Variants in LSM7 observed in about 807,000 individuals in gnomAD.
The protein encoded by LSM7 is LSM7 homolog, U6 small nuclear RNA and mRNA degradation associated, also known as U6 snRNA-associated Sm-like protein LSm7.
Under a neutral mutation model 14.1 loss-of-function variants are expected in LSM7, and 13 were observed. The observed-to-expected ratio is 0.92, with a 90% confidence interval of 0.60 to 1.47. LSM7 has a LOEUF of 1.47. Ranked by LOEUF, LSM7 falls within the 40% of genes most tolerant of loss-of-function variation. The pLI is 0.00. For synonymous variants in LSM7, 70 were observed against 57.1 expected, an observed-to-expected ratio of 1.23 and a Z score of -1.02; for missense variants, 108 against 140.8, an observed-to-expected ratio of 0.77 and a Z score of 1.18.
At chr19:2,325,603 C>T (rs1968002320) in intron 2 of LSM7, among the ~76,000 whole-genome samples, 1 of 152,172 alleles carries the variant, frequency 6.6e-6, no homozygotes, top group Non-Finnish European at 1.5e-5. Context: ...AAGGCAGGGC[C>T]GAGAGCCCGT....
At chr19:2,322,061 A>G (rs1967943292) in intron 3 of LSM7, among the ~76,000 whole-genome samples, 1 of 152,088 alleles carries the variant, frequency 6.6e-6, no homozygotes, top group African/African-American at 2.4e-5. Flanking sequence ...CCCTCACTCC[A>G]CAAACCATGG....
chr19:2,328,479 T>G lies in LSM7; in HGVS notation c.7-2A>C. The stretch of plus-strand genomic sequence containing the variant: ...CTCCTTTTTCTTCTTCTCCTTATCC[T>G]GCGGGGAAAGCAGAGCGCATGAGAC... On this transcript the variant is annotated splice_acceptor_variant, in intron 1 of 3. Coordinates refer to ENST00000252622, the MANE Select transcript of LSM7 (RefSeq NM_016199.3). LOFTEE classifies it high-confidence loss of function. 6.2e-7 allele frequency: 1 copy of G among 1,613,666 alleles called. No homozygotes were observed. Among genetic ancestry groups the G allele is most frequent in the South Asian group, 1.1e-5 (1 of 91,058 alleles).
intron 2 of LSM7, chr19:2,324,699 G>A (rs573957425): frequency 7.6e-4 from 128 of 168,634 alleles, no homozygotes; most frequent in Middle Eastern, 3.0e-3. Flanking sequence ...GAAGAGGAGC[G>A]AGGCTGGCGC....
chr19:2,324,516 C>G, intron 2 of LSM7: 1 of 398,958 alleles, frequency 2.5e-6, no homozygotes, highest in African/African-American at 2.0e-5. Flanking sequence ...GAACTGCGGC[C>G]GGTCAGCTCT....
In LSM7 at chr19:2,324,115, C is replaced by CA. The variant is rs1599178869; in HGVS notation, c.169+9_169+10insT. 11 of 1,506,192 alleles carry CA rather than the reference C, an allele frequency of 7.3e-6. No homozygotes were observed. The highest frequency in any genetic ancestry group is 9.7e-6 in the Non-Finnish European group (11 of 1,130,370). 93.3% of individuals were successfully genotyped at this position (1,506,192 alleles called of 1,614,324 possible). On this transcript the variant is annotated intron_variant, in intron 3 of 3. Coordinates refer to ENST00000252622, the MANE Select transcript of LSM7 (RefSeq NM_016199.3). ...GTCCCGCTGCCTGCCTCGGCCGCCA[C>CA]CCCACTCACCTCGCATGTACTCAAT...
chr19:2,322,855 C>G (rs1433512286), intron 3 of LSM7, among the ~76,000 whole-genome samples: 1 of 151,984 alleles, frequency 6.6e-6, no homozygotes, highest in Non-Finnish European at 1.5e-5. Context: ...GGGCCACAGG[C>G]ACATGTACCG....
chr19:2,327,289 C>G (rs1968046767), intron 2 of LSM7, among the ~76,000 whole-genome samples: 1 of 152,194 alleles, frequency 6.6e-6, no homozygotes, highest in Non-Finnish European at 1.5e-5. Flanking sequence ...GAGACGGAGT[C>G]TTGCCCTATC....
At chr19:2,324,324 G>T (rs1374204820) in intron 2 of LSM7, 128 bp from the exon 3 acceptor site, 8 of 729,784 alleles carry the variant, frequency 1.1e-5, no homozygotes, top group Non-Finnish European at 1.9e-5. Flanking sequence ...GTAGGAGAGG[G>T]CTCCCGGGAG....
intron 2 of LSM7, among the ~76,000 whole-genome samples, chr19:2,326,351 T>TGTGTGTGTGC (rs1968018181): frequency 6.6e-6 from 1 of 151,196 alleles, no homozygotes; most frequent in Non-Finnish European, 1.5e-5. Context: ...TGTGTGTGTG[T>TGTGTGTGTGC]GTGTGTTTGA....
intron 2 of LSM7, among the ~76,000 whole-genome samples, chr19:2,325,227 C>T (rs1479934647): frequency 5.9e-5 from 9 of 152,130 alleles, no homozygotes; most frequent in Non-Finnish European, 1.3e-4. Flanking sequence ...GATCCTGCTC[C>T]GCAGTGTCTG....
chr19:2,324,091 T>G (rs1967978261), intron 3 of LSM7, 34 bp downstream of exon 3: 1 of 1,206,598 alleles, frequency 8.3e-7, no homozygotes, highest in Non-Finnish European at 1.1e-6. Flanking sequence ...ATCCCCCTCG[T>G]CCCGCTGCCT....
At position 2,321,976 on chromosome 19, in the gene LSM7, G is replaced by T. The variant is rs906121706; in HGVS notation, c.170-154C>A. Reference sequence around the variant, plus strand: ...AGACGGGATGCGCTCTGTGGGGCAGGTCCCCGGCTCCCACGGCTGAGACCC... The same window carrying T: ...AGACGGGATGCGCTCTGTGGGGCAGTTCCCCGGCTCCCACGGCTGAGACCC... On this transcript the variant is annotated intron_variant, in intron 3 of 3. Transcript: ENST00000252622. This position sits in a 1 kb window ranked among gnomAD's most constrained non-coding sequence, Gnocchi z 5.0. Among the ~76,000 whole-genome samples, 7 of 152,152 alleles carry T rather than the reference G, an allele frequency of 4.6e-5. No homozygotes were observed. Among genetic ancestry groups the T allele is most frequent in the Non-Finnish European group, 8.8e-5 (6 of 68,012 alleles).
Position 2,322,756 on chromosome 19 carries a change from C to T in LSM7, c.170-934G>A, listed in dbSNP as rs557100225. Among the ~76,000 whole-genome samples the T allele has an allele frequency of 3.3e-5, 5 of 152,302 alleles. 1 individual carries two copies. In the South Asian group the frequency reaches 1.0e-3, roughly 32 times the overall value. On this transcript the variant is annotated intron_variant, in intron 3 of 3. Transcript: ENST00000252622. ...AGACACCAGGTCTTGCTCTGTTGCT[C>T]AGGTTGGAGTGCAGCAGTGCAATCA...
Position 2,321,602 on chromosome 19 carries a change from G to T in LSM7, c.*78C>A. On this transcript the variant is annotated 3_prime_UTR_variant, in exon 4 of 4. Transcript: ENST00000252622. The surrounding 1 kb of genome is among the most constrained non-coding windows in gnomAD (Gnocchi z 5.0). ...TGCTTCCGTTCCAGGAGGCGGTACT[G>T]CGGTGGGAGCAGCAGCCAAGTCCGC... 7.7e-7 allele frequency: 1 copy of T among 1,294,216 alleles called. No individual in the cohort carries two copies. Among genetic ancestry groups the T allele is most frequent in the Non-Finnish European group, 9.9e-7 (1 of 1,011,676 alleles). 80.2% of individuals were successfully genotyped at this position (1,294,216 alleles called of 1,614,324 possible). A position where few individuals can be genotyped will look rare whatever the true frequency, so the allele number is the denominator to read the frequency against.
At chr19:2,323,062 G>C (rs1254280768) in intron 3 of LSM7, among the ~76,000 whole-genome samples, 4 of 152,114 alleles carry the variant, frequency 2.6e-5, no homozygotes, top group Non-Finnish European at 4.4e-5. Flanking sequence ...CAAGGGGCAA[G>C]ACCCTCTCTC....
chr19:2,323,598 G>A lies in LSM7; in HGVS notation c.169+527C>T, dbSNP rs552662135. Among the ~76,000 whole-genome samples, 319 of 152,262 alleles carry A rather than the reference G, an allele frequency of 2.1e-3. 2 individuals carry two copies. Among genetic ancestry groups the A allele is most frequent in the African/African-American group, 6.4e-3 (268 of 41,560 alleles). On this transcript the variant is annotated intron_variant, in intron 3 of 3. Coordinates refer to ENST00000252622, the MANE Select transcript of LSM7 (RefSeq NM_016199.3). The stretch of plus-strand genomic sequence containing the variant: ...CCCGAGCAGCTGGGATTACAGGCAT[G>A]CGCCACCACACCCAGCAATTTTTTT...
At chr19:2,328,209 G>T (rs1476772415) in intron 2 of LSM7, 178 bp downstream of exon 2, 1 of 579,728 alleles carries the variant, frequency 1.7e-6, no homozygotes, top group African/African-American at 1.9e-5. Flanking sequence ...GGCGGAGGTT[G>T]CAGTGAGCTG....
Position 2,321,940 on chromosome 19 carries a change from G to T in LSM7, c.170-118C>A. On this transcript the variant is annotated intron_variant, in intron 3 of 3. Coordinates refer to ENST00000252622, the MANE Select transcript of LSM7 (RefSeq NM_016199.3). This position sits in a 1 kb window ranked among gnomAD's most constrained non-coding sequence, Gnocchi z 5.0. ...TGCACCCTGCAGGCGCCACGAGCAC[G>T]CAGGGACCTCAGACGGGATGCGCTC... 1.0e-6 allele frequency: 1 copy of T among 961,794 alleles called. No homozygotes were observed. The highest frequency in any genetic ancestry group is 1.4e-6 in the Non-Finnish European group (1 of 719,966). The allele number at this position is 961,794 out of a possible 1,614,324, so 59.6% of individuals were successfully genotyped here.
At chr19:2,327,498 C>T (rs1319360146) in intron 2 of LSM7, among the ~76,000 whole-genome samples, 1 of 152,062 alleles carries the variant, frequency 6.6e-6, no homozygotes, top group Admixed American at 6.5e-5. Flanking sequence ...GCCTCGGCCT[C>T]CCAAAGTGTC....
Sources: allele counts gnomAD v4.1 joint callset (sites outside exome capture counted in the v4.1 genomes callset), GRCh38; gene constraint gnomAD v4.1.1; non-coding constraint Gnocchi (gnomAD v3.1); transcripts MANE v1.5; gene names NCBI Gene and HGNC (gene_info 2026-07-23, HGNC 2026-07-21).